The following ABR variants were observed in gnomAD, a reference collection of about 807,000 sequenced individuals.
ABR encodes active breakpoint cluster region-related protein.
ABR carries 35 observed loss-of-function variants against 107.2 expected under a neutral mutation model. The ratio of observed to expected loss-of-function variants is 0.33; its 90% CI spans 0.25 to 0.43. The LOEUF (loss-of-function observed/expected upper bound fraction) is 0.43. Ranked by LOEUF, ABR falls within the 20% of genes least tolerant of loss-of-function variation. The pLI is 1.00. For synonymous variants in ABR, 498 were observed against 462.0 expected (o/e 1.08, Z -1.00); for missense variants, 815 against 1,115.2 (o/e 0.73, Z 3.83).
At chr17:1,229,389 G>A (rs921533725) in exon 1 of ABR, among the ~76,000 whole-genome samples, 71 of 145,006 alleles carry the variant, frequency 4.9e-4, no homozygotes, top group African/African-American at 1.8e-3. Context: ...GGGAGACTCG[G>A]CCTCGGGGTC....
At chr17:1,035,013 C>T (rs12603517) in intron 16 of ABR, among the ~76,000 whole-genome samples, 8,452 of 152,030 alleles carry the variant, frequency 0.056, 336 homozygotes, top group South Asian at 0.2. Flanking sequence ...TAAGTGCCTT[C>T]GCAGATGGGT....
Position 1,050,272 on chromosome 17 carries a change from G to T in ABR, c.1660-91C>A. ...GCGTGCCTCAGCTTTGCAAGGAGGAGGGAGTAAGCACGGCCCACGAAGGAC... is the reference window on the plus strand; with the variant it reads ...GCGTGCCTCAGCTTTGCAAGGAGGATGGAGTAAGCACGGCCCACGAAGGAC... On this transcript the variant is annotated intron_variant, in intron 15 of 22. Transcript: ENST00000302538. The surrounding 1 kb of genome is among the most constrained non-coding windows in gnomAD (Gnocchi z 4.6). 6.7e-7 allele frequency: 1 copy of T among 1,495,308 alleles called. No homozygotes were observed. The allele number at this position is 1,495,308 out of a possible 1,614,324, so 92.6% of individuals were successfully genotyped here.
At chr17:1,096,047 C>T (rs567434061) in intron 3 of ABR, among the ~76,000 whole-genome samples, 12 of 152,318 alleles carry the variant, frequency 7.9e-5, no homozygotes, top group African/African-American at 2.9e-4. Context: ...AGTTCCCAAG[C>T]TCAGTTCCCA....
intron 1 of ABR, among the ~76,000 whole-genome samples, chr17:1,211,809 G>T (rs1380293826): frequency 6.6e-6 from 1 of 152,172 alleles, no homozygotes; most frequent in Non-Finnish European, 1.5e-5. Context: ...GGCCGGCCAC[G>T]GTGGCTCATG....
At chr17:1,137,058 CTTTCT>C (rs934945651) in intron 1 of ABR, among the ~76,000 whole-genome samples, 4 of 146,486 alleles carry the variant, frequency 2.7e-5, no homozygotes. Context: ...CTCCCTCTTT[CTTTCT>C]TTTCTAGACA....
At chr17:1,014,019 G>A (rs565502489) in intron 16 of ABR, among the ~76,000 whole-genome samples, 3 of 152,344 alleles carry the variant, frequency 2.0e-5, no homozygotes, top group Non-Finnish European at 2.9e-5. Context: ...TTAAATAGTT[G>A]CAAAGAGTAT....
chr17:1,049,942 G>T, intron 16 of ABR, 108 bp downstream of exon 16: 1 of 1,459,552 alleles, frequency 6.9e-7, no homozygotes, highest in Non-Finnish European at 9.2e-7. Flanking sequence ...CCTCCAACCA[G>T]CTTGGAACCA....
chr17:1,183,422 G>A (rs1209830968), upstream of ABR, among the ~76,000 whole-genome samples: 2 of 152,070 alleles, frequency 1.3e-5, no homozygotes, highest in Non-Finnish European at 1.5e-5. Context: ...TGGGTGCACC[G>A]CCAGGAGCAC....
intron 1 of ABR, among the ~76,000 whole-genome samples, chr17:1,129,557 CAA>C (rs977397117): frequency 6.6e-6 from 1 of 151,976 alleles, no homozygotes; most frequent in Admixed American, 6.6e-5. Flanking sequence ...AAAACAAGAA[CAA>C]AAAAAGATTC....
intron 6 of ABR, chr17:1,079,015 G>A (rs2035979710): frequency 6.9e-7 from 1 of 1,459,732 alleles, no homozygotes; most frequent in South Asian, 1.4e-5. Flanking sequence ...AAGGGGGAGG[G>A]GAGGGAGGCG....
chr17:1,142,003 C>T (rs1056819447), intron 1 of ABR, among the ~76,000 whole-genome samples: 1 of 152,004 alleles, frequency 6.6e-6, no homozygotes, highest in Non-Finnish European at 1.5e-5. Context: ...GGTGATCCAC[C>T]TGCCTCGGCC....
At chr17:1,185,555 G>A (rs966951118) in intron 1 of ABR, among the ~76,000 whole-genome samples, 1 of 148,952 alleles carries the variant, frequency 6.7e-6, no homozygotes, top group Admixed American at 6.8e-5. Flanking sequence ...TGAGGCAGGA[G>A]AATCGCTTGA....
rs2041109894 is a variant in ABR at position 1,157,842 on chromosome 17, T to C, written c.61+21825A>G. On this transcript the variant is annotated intron_variant, in intron 1 of 22. Transcript: ENST00000302538. This position sits in a 1 kb window ranked among gnomAD's most constrained non-coding sequence, Gnocchi z 4.7. Reference sequence around the variant, plus strand: ...ATGGGGTGCACTCAGCCCCGTATCATTCATGCTGCAGGTCAGCCTAGGAAG... The same window carrying C: ...ATGGGGTGCACTCAGCCCCGTATCACTCATGCTGCAGGTCAGCCTAGGAAG... 6.6e-6 allele frequency among the ~76,000 whole-genome samples: 1 copy of C among 152,222 alleles called. No homozygotes were observed. Among genetic ancestry groups the C allele is most frequent in the African/African-American group, 2.4e-5 (1 of 41,456 alleles).
At chr17:1,099,394 C>T (rs1395413968) in intron 3 of ABR, among the ~76,000 whole-genome samples, 1 of 152,184 alleles carries the variant, frequency 6.6e-6, no homozygotes, top group Non-Finnish European at 1.5e-5. Flanking sequence ...CACATTTACA[C>T]AGTCATTCCT....
intron 1 of ABR, among the ~76,000 whole-genome samples, chr17:1,207,685 G>A (rs1598127644): frequency 6.6e-6 from 1 of 150,802 alleles, no homozygotes; most frequent in East Asian, 2.0e-4. Flanking sequence ...GGGGAAAAAA[G>A]GAAACTGTTG....
At chr17:1,026,022 T>C (rs1322457905) in intron 16 of ABR, among the ~76,000 whole-genome samples, 1 of 152,222 alleles carries the variant, frequency 6.6e-6, no homozygotes, top group Non-Finnish European at 1.5e-5. Flanking sequence ...GTCCACTGAA[T>C]GGCTGGCATT....
At chr17:1,025,166 G>C (rs568928446) in intron 16 of ABR, among the ~76,000 whole-genome samples, 1 of 148,876 alleles carries the variant, frequency 6.7e-6, no homozygotes, top group Non-Finnish European at 1.5e-5. Flanking sequence ...CGTGGTGGCG[G>C]GCACCTGTAA....
intron 1 of ABR, among the ~76,000 whole-genome samples, chr17:1,213,950 C>G (rs781715255): frequency 3.3e-5 from 5 of 151,950 alleles, no homozygotes; most frequent in Non-Finnish European, 7.4e-5. Flanking sequence ...TGCAATGGCA[C>G]AATCTCGGCT....
chr17:1,205,676 G>A (rs551575013), intron 1 of ABR, among the ~76,000 whole-genome samples: 36 of 152,334 alleles, frequency 2.4e-4, no homozygotes, highest in Admixed American at 1.4e-3. Context: ...CAGGCGCGGC[G>A]GCTCACGCCT....
Sources: allele counts gnomAD v4.1 joint callset (sites outside exome capture counted in the v4.1 genomes callset), GRCh38; gene constraint gnomAD v4.1.1; non-coding constraint Gnocchi (gnomAD v3.1); transcripts MANE v1.5; gene names NCBI Gene and HGNC (gene_info 2026-07-23, HGNC 2026-07-21).